The following MED26 variants were observed in gnomAD, a reference collection of about 807,000 sequenced individuals.
The protein encoded by MED26 is mediator of RNA polymerase II transcription subunit 26.
MED26 carries 7 observed loss-of-function variants against 43.7 expected under a neutral mutation model. That is an observed-to-expected ratio of 0.16 (90% CI 0.09 to 0.30). The LOEUF (loss-of-function observed/expected upper bound fraction) is 0.30. MED26 is among the 10% of genes least tolerant of loss of function. The pLI is 1.00. For synonymous variants in MED26, 375 were observed against 371.1 expected (o/e 1.01, Z -0.12); for missense variants, 784 against 840.6 (o/e 0.93, Z 0.83).
chr19:16,625,098 G>C (rs1369463017), intron 1 of MED26, among the ~76,000 whole-genome samples: 1 of 152,212 alleles, frequency 6.6e-6, no homozygotes, highest in African/African-American at 2.4e-5. Context: ...CTGCGCTTCG[G>C]AGAGATTTTC....
Position 16,577,710 on chromosome 19 carries a change from C to CT in MED26, c.148-29dup. Reference sequence around the variant, plus strand: ...ACAACCAGAGGGAGATGATGACATACTTTCGGGACAGGAACTTCTCCATGA... The same window carrying CT: ...ACAACCAGAGGGAGATGATGACATACTTTTCGGGACAGGAACTTCTCCATGA... On this transcript the variant is annotated intron_variant, in intron 2 of 2. Coordinates refer to ENST00000263390, the MANE Select transcript of MED26 (RefSeq NM_004831.5). This position sits in a 1 kb window ranked among gnomAD's most constrained non-coding sequence, Gnocchi z 8.1. The CT allele has an allele frequency of 6.6e-7, 1 of 1,523,854 alleles. No homozygotes were observed. The highest frequency in any genetic ancestry group is 8.9e-7 in the Non-Finnish European group (1 of 1,128,994). 94.4% of individuals were successfully genotyped at this position (1,523,854 alleles called of 1,614,324 possible).
At position 16,587,935 on chromosome 19, in the gene MED26, GA is replaced by G. The variant is rs1480370968; in HGVS notation, c.73-9527del. 2.6e-5 allele frequency: 4 copies of G among 152,222 alleles called. No individual in the cohort carries two copies. The highest frequency in any genetic ancestry group is 5.9e-5 in the Non-Finnish European group (4 of 68,056). The allele number at this position is 152,222 out of a possible 1,614,324, so 9.4% of individuals were successfully genotyped here. ...TCTGCAGCGAGGGAAACTTGCAGAT[GA>G]AGCCAGGAGGCAGGCAGCGCTGCTC... On this transcript the variant is annotated intron_variant, in intron 1 of 2. Coordinates refer to ENST00000263390, the MANE Select transcript of MED26 (RefSeq NM_004831.5). This position sits in a 1 kb window ranked among gnomAD's most constrained non-coding sequence, Gnocchi z 4.9.
At chr19:16,579,177 C>T (rs1393727869) in intron 1 of MED26, among the ~76,000 whole-genome samples, 3 of 152,116 alleles carry the variant, frequency 2.0e-5, no homozygotes, top group Non-Finnish European at 4.4e-5. Context: ...CAGAAAGTCA[C>T]AAAGTGGGAG....
At chr19:16,620,323 C>T (rs1210329363) in intron 1 of MED26, among the ~76,000 whole-genome samples, 1 of 152,280 alleles carries the variant, frequency 6.6e-6, no homozygotes, top group African/African-American at 2.4e-5. Flanking sequence ...AGCCTCCTTC[C>T]AGCTGTGTCC....
intron 1 of MED26, among the ~76,000 whole-genome samples, chr19:16,601,823 T>A (rs1260355111): frequency 6.6e-6 from 1 of 152,130 alleles, no homozygotes; most frequent in Non-Finnish European, 1.5e-5. Flanking sequence ...GCTCAGGGAG[T>A]GACAGGGTCA....
Position 16,620,599 on chromosome 19 carries a change from T to C in MED26, c.72+7273A>G, listed in dbSNP as rs557578548. On this transcript the variant is annotated intron_variant, in intron 1 of 2. Coordinates refer to ENST00000263390, the MANE Select transcript of MED26 (RefSeq NM_004831.5). ...GGGCACTTCACAATCACATGGAAAA[T>C]GTAACCAACAAGACCTGTTATCAGC... is the stretch of plus-strand genomic sequence containing the variant. Among the ~76,000 whole-genome samples the C allele has an allele frequency of 2.6e-5, 4 of 152,230 alleles. No individual in the cohort carries two copies. The East Asian group carries it at 7.7e-4, about 29-fold the overall frequency.
intron 1 of MED26, among the ~76,000 whole-genome samples, chr19:16,625,193 G>T (rs565128654): frequency 6.6e-6 from 1 of 152,340 alleles, no homozygotes; most frequent in African/African-American, 2.4e-5. Context: ...CAAAAGGAGA[G>T]TAGAGGATTT....
intron 1 of MED26, among the ~76,000 whole-genome samples, chr19:16,618,434 C>A (rs747081333): frequency 6.6e-6 from 1 of 152,194 alleles, no homozygotes; most frequent in Non-Finnish European, 1.5e-5. Context: ...CACCTGCACT[C>A]GGACAGCGTG....
At chr19:16,578,558 C>G (rs1054700145) in intron 1 of MED26, 149 bp from the exon 2 acceptor site, 2 of 692,070 alleles carry the variant, frequency 2.9e-6, no homozygotes, top group African/African-American at 3.6e-5. Context: ...CGTCTCCTAC[C>G]TGCTCCCTGG....
At chr19:16,610,884 A>G (rs1284722633) in intron 1 of MED26, 4 of 152,304 alleles carry the variant, frequency 2.6e-5, no homozygotes. Context: ...TCCGACTGTC[A>G]CAAGAACTGG....
At chr19:16,598,116 C>T (rs2086130894) in intron 1 of MED26, among the ~76,000 whole-genome samples, 1 of 151,432 alleles carries the variant, frequency 6.6e-6, no homozygotes, top group South Asian at 2.1e-4. Flanking sequence ...AGGTGGATCA[C>T]CTGAGGTCAG....
At position 16,628,141 on chromosome 19, in the gene MED26, G is replaced by C; in HGVS notation, c.-198C>G. On this transcript the variant is annotated 5_prime_UTR_variant, in exon 1 of 3. Transcript: ENST00000263390. Reference sequence around the variant, plus strand: ...TCCCGGGCCGCCGCCGCCACCAAAGGAGGAGGAGGAGCCGCCGGAGCCGCC... The same window carrying C: ...TCCCGGGCCGCCGCCGCCACCAAAGCAGGAGGAGGAGCCGCCGGAGCCGCC... 5.4e-6 allele frequency: 2 copies of C among 367,846 alleles called. No individual in the cohort carries two copies. The highest frequency in any genetic ancestry group is 8.2e-5 in the East Asian group (2 of 24,288). The allele number at this position is 367,846 out of a possible 1,614,324, so 22.8% of individuals were successfully genotyped here.
intron 1 of MED26, among the ~76,000 whole-genome samples, chr19:16,620,174 GCA>G (rs2086245423): frequency 6.6e-6 from 1 of 152,200 alleles, no homozygotes; most frequent in Non-Finnish European, 1.5e-5. Flanking sequence ...TAAGAGCAGT[GCA>G]CAGATGAATC....
At chr19:16,600,082 AGCCCAG>A (rs1055609202) in intron 1 of MED26, among the ~76,000 whole-genome samples, 10 of 152,270 alleles carry the variant, frequency 6.6e-5, no homozygotes, top group Middle Eastern at 3.4e-3. Context: ...ACAGGCAGCC[AGCCCAG>A]GCCCAGGCCC....
chr19:16,619,071 C>A (rs1445442659), intron 1 of MED26, among the ~76,000 whole-genome samples: 1 of 152,208 alleles, frequency 6.6e-6, no homozygotes, highest in Non-Finnish European at 1.5e-5. Flanking sequence ...TGCTAACCTC[C>A]CTTTAGGGCT....
intron 1 of MED26, 94 bp downstream of exon 1, chr19:16,627,778 G>A (rs1045356832): frequency 1.1e-6 from 1 of 880,136 alleles, no homozygotes; most frequent in Non-Finnish European, 1.6e-6. Context: ...GCGCCAGACG[G>A]GTCCCCCGAA....
At chr19:16,604,283 G>A (rs947482817) in intron 1 of MED26, among the ~76,000 whole-genome samples, 2 of 152,192 alleles carry the variant, frequency 1.3e-5, no homozygotes, top group Non-Finnish European at 2.9e-5. Context: ...TCTGGGCTGT[G>A]CCTGCACAGC....
At chr19:16,579,063 T>C (rs1390703070) in intron 1 of MED26, among the ~76,000 whole-genome samples, 1 of 152,216 alleles carries the variant, frequency 6.6e-6, no homozygotes, top group South Asian at 2.1e-4. Context: ...ACCACACCAC[T>C]GCACTCCAGC....
chr19:16,575,929 A>G lies in MED26; in HGVS notation c.*98T>C. ...CCTGGGCCGGACTCCCCGAGTTCCC[A>G]GCGCAGGAGGCAGCTGGGCCCCGGC... On this transcript the variant is annotated 3_prime_UTR_variant, in exon 3 of 3. Transcript: ENST00000263390. 1.0e-6 allele frequency: 1 copy of G among 1,003,740 alleles called. No individual in the cohort carries two copies. Among genetic ancestry groups the G allele is most frequent in the Non-Finnish European group, 1.4e-6 (1 of 692,050 alleles). 62.2% of individuals were successfully genotyped at this position (1,003,740 alleles called of 1,614,324 possible).
Sources: allele counts gnomAD v4.1 joint callset (sites outside exome capture counted in the v4.1 genomes callset), GRCh38; gene constraint gnomAD v4.1.1; non-coding constraint Gnocchi (gnomAD v3.1); transcripts MANE v1.5; gene names NCBI Gene and HGNC (gene_info 2026-07-23, HGNC 2026-07-21).